Variants in AAMDC observed in about 807,000 individuals in gnomAD.
The protein encoded by AAMDC is adipogenesis associated Mth938 domain containing, also known as mth938 domain-containing protein.
A neutral mutation model predicts 15.5 loss-of-function variants in AAMDC; 16 were observed. The observed-to-expected ratio is 1.03, with a 90% CI of 0.70 to 1.57. The LOEUF (loss-of-function observed/expected upper bound fraction) is 1.57, where lower values mean the gene tolerates loss of function less well. Ranked by LOEUF, AAMDC falls within the 40% of genes most tolerant of loss-of-function variation. The pLI, the probability that AAMDC is intolerant of heterozygous loss-of-function variation, is 0.00. For missense variants in AAMDC, 141 were observed against 144.9 expected, an observed-to-expected ratio of 0.97 and a Z score of 0.14; for synonymous variants, 51 against 51.6, an observed-to-expected ratio of 0.99 and a Z score of 0.05.
chr11:77,831,689 G>A (rs1949431398), intron 1 of AAMDC, among the ~76,000 whole-genome samples: 1 of 147,540 alleles, frequency 6.8e-6, no homozygotes, highest in Non-Finnish European at 1.5e-5. Context: ...ACATTACTTA[G>A]GTATCTTTTT....
At chr11:77,830,628 G>A (rs1325637634) in intron 1 of AAMDC, among the ~76,000 whole-genome samples, 2 of 151,858 alleles carry the variant, frequency 1.3e-5, no homozygotes, top group South Asian at 4.2e-4. Context: ...TTATTCCCGC[G>A]TTTGCCCCCC....
intron 5 of AAMDC, chr11:77,879,034 G>A (rs1951689488): frequency 1.2e-6 from 2 of 1,614,112 alleles, no homozygotes; most frequent in Non-Finnish European, 1.7e-6. Context: ...TTCCACCTGT[G>A]GTGACATCTC....
intron 2 of AAMDC, among the ~76,000 whole-genome samples, chr11:77,859,403 A>G (rs560362409): frequency 5.3e-4 from 80 of 152,290 alleles, no homozygotes; most frequent in African/African-American, 1.9e-3. Flanking sequence ...ATAATTTCCT[A>G]ATGGCTTCCT....
chr11:77,858,536 C>T (rs1489343293), intron 2 of AAMDC, among the ~76,000 whole-genome samples: 4 of 151,990 alleles, frequency 2.6e-5, no homozygotes. Flanking sequence ...GTTGCAAGCC[C>T]TGTGTTTAAA....
rs114928086 is a variant in AAMDC, at chr11:77,849,825, A to G, written c.132+7197A>G. On this transcript the variant is annotated intron_variant, in intron 2 of 3. Coordinates refer to ENST00000393427, the MANE Select transcript of AAMDC (RefSeq NM_024684.4). ...TTCTGTATCTGATGAAATCTTATAC[A>G]TTCCTCTATTCTTGGCTTTTGCATT... Among the ~76,000 whole-genome samples, 318 of 152,278 alleles carry G rather than the reference A, an allele frequency of 2.1e-3. 3 individuals carry two copies. Among genetic ancestry groups the G allele is most frequent in the African/African-American group, 6.4e-3 (265 of 41,554 alleles).
intron 1 of AAMDC, among the ~76,000 whole-genome samples, chr11:77,822,293 T>C (rs1279367003): frequency 6.6e-6 from 1 of 151,232 alleles, no homozygotes; most frequent in African/African-American, 2.4e-5. Context: ...TAACGAAAAT[T>C]AGCCGGGAAT....
intron 5 of AAMDC, among the ~76,000 whole-genome samples, chr11:77,884,168 A>G (rs1269778599): frequency 6.6e-6 from 1 of 152,152 alleles, no homozygotes; most frequent in Non-Finnish European, 1.5e-5. Context: ...TTCATGGTGA[A>G]TAAGTAATAT....
Position 77,827,170 on chromosome 11 carries a change from A to G in AAMDC, c.-19+5929A>G, listed in dbSNP as rs192785135. 9.4e-4 allele frequency among the ~76,000 whole-genome samples: 143 copies of G among 152,326 alleles called. 1 individual carries two copies. The highest frequency in any genetic ancestry group is 3.3e-3 in the African/African-American group (136 of 41,576). ...TGGCCCCGCCCCCCTCAGAAAAGAA[A>G]AAAAGCTCAGATTCAGATGGCTTCA... On this transcript the variant is annotated intron_variant, in intron 1 of 3. Transcript: ENST00000393427.
intron 5 of AAMDC, among the ~76,000 whole-genome samples, chr11:77,898,997 G>C (rs1952655329): frequency 6.6e-6 from 1 of 152,134 alleles, no homozygotes; most frequent in South Asian, 2.1e-4. Flanking sequence ...TCCAGCCTGG[G>C]TGATAGAGCA....
intron 1 of AAMDC, among the ~76,000 whole-genome samples, chr11:77,825,184 A>C (rs1371909981): frequency 6.6e-6 from 1 of 151,766 alleles, no homozygotes. Flanking sequence ...GGGTTTCACC[A>C]TGTTAGCCAG....
downstream of AAMDC, among the ~76,000 whole-genome samples, chr11:77,874,790 G>A (rs1009793573): frequency 2.6e-5 from 4 of 152,134 alleles, no homozygotes; most frequent in South Asian, 2.1e-4. Flanking sequence ...TAATCCCAGC[G>A]CTTTGGGAGG....
Position 77,842,525 on chromosome 11 carries a change from C to T in AAMDC, c.29C>T (p.Ser10Leu), listed in dbSNP as rs769173244. 13 of 1,613,952 alleles carry T rather than the reference C, an allele frequency of 8.1e-6. No homozygotes were observed. In the Admixed American group the frequency reaches 1.5e-4, roughly 19 times the overall value. The change falls in exon 2 of 4, where the codon TCA becomes TTA. Residue 10 changes from serine to leucine, a missense_variant. By Grantham distance (145) the Ser-to-Leu change is moderately radical. Coordinates refer to ENST00000393427, the MANE Select transcript of AAMDC (RefSeq NM_024684.4). The part of the protein sequence containing the change: MTSPEIASL[S>L]WGQMKVKGSN... ...ACTTCCCCTGAAATTGCTTCCTTATCATGGGGGCAAATGAAAGTAAAAGGC... is the reference window on the plus strand; with the variant it reads ...ACTTCCCCTGAAATTGCTTCCTTATTATGGGGGCAAATGAAAGTAAAAGGC...
At chr11:77,876,402 C>T (rs1044182315), downstream of AAMDC, among the ~76,000 whole-genome samples, 14 of 145,002 alleles carry the variant, frequency 9.7e-5, no homozygotes, top group East Asian at 2.6e-3. Flanking sequence ...ATAAAAAGGT[C>T]TTTTTTTTTT....
intron 5 of AAMDC, among the ~76,000 whole-genome samples, chr11:77,897,219 A>C (rs1952562841): frequency 6.6e-6 from 1 of 151,830 alleles, no homozygotes; most frequent in Admixed American, 6.5e-5. Flanking sequence ...AAAGATTATA[A>C]GTGGTGGCTC....
chr11:77,859,839 G>A (rs1950800974), intron 2 of AAMDC, among the ~76,000 whole-genome samples: 2 of 152,194 alleles, frequency 1.3e-5, no homozygotes, highest in Admixed American at 6.5e-5. Context: ...GTGCACAGTC[G>A]CAGCACTGGC....
At chr11:77,891,380 G>T in intron 5 of AAMDC, 1 of 1,612,012 alleles carries the variant, frequency 6.2e-7, no homozygotes, top group Non-Finnish European at 8.5e-7. Flanking sequence ...AACATCCAGG[G>T]CAACCACCAA....
chr11:77,824,978 G>T lies in AAMDC; in HGVS notation c.-19+3737G>T, dbSNP rs561119561. 3.4e-4 allele frequency among the ~76,000 whole-genome samples: 51 copies of T among 151,818 alleles called. 1 individual carries two copies. The highest frequency in any genetic ancestry group is 6.8e-3 in the Middle Eastern group (2 of 294). On this transcript the variant is annotated intron_variant, in intron 1 of 3. Coordinates refer to ENST00000393427, the MANE Select transcript of AAMDC (RefSeq NM_024684.4). ...TTTGCATTTGTTACATAGTTTTTTT[G>T]TTGTTGTTGTTTTTCTTTTTGAGAC...
At chr11:77,884,686 A>T in intron 5 of AAMDC, 1 of 223,374 alleles carries the variant, frequency 4.5e-6, no homozygotes, top group Non-Finnish European at 9.9e-6. Flanking sequence ...GGCATGTCTC[A>T]CCCACTTGCC....
chr11:77,878,144 C>T (rs1265271896), intron 5 of AAMDC, among the ~76,000 whole-genome samples: 10 of 151,998 alleles, frequency 6.6e-5, no homozygotes, highest in Admixed American at 2.0e-4. Context: ...GGGCAGATCA[C>T]GAGGTCAGGA....
Sources: allele counts gnomAD v4.1 joint callset (sites outside exome capture counted in the v4.1 genomes callset), GRCh38; gene constraint gnomAD v4.1.1; transcripts MANE v1.5; gene names NCBI Gene and HGNC (gene_info 2026-07-23, HGNC 2026-07-21).